Variants in PROM1 observed in about 807,000 individuals in gnomAD.
PROM1 encodes the protein prominin 1.
In PROM1, 105 loss-of-function variants were observed where a neutral mutation model predicts 116.9. The ratio of observed to expected loss-of-function variants is 0.90; its 90% CI spans 0.77 to 1.06. The LOEUF (loss-of-function observed/expected upper bound fraction) is 1.06. Among genes scored for constraint, PROM1 ranks in the 50% least tolerant of loss-of-function variants. The pLI, the probability that PROM1 is intolerant of heterozygous loss-of-function variation, is 0.00. For missense variants in PROM1, 1,122 were observed against 1,045.2 expected (o/e 1.07, Z -1.01); for synonymous variants, 393 against 387.0 (o/e 1.02, Z -0.18).
intron 27 of PROM1, among the ~76,000 whole-genome samples, chr4:15,969,797 G>A (rs547588484): frequency 6.6e-6 from 1 of 151,766 alleles, no homozygotes; most frequent in African/African-American, 2.4e-5. Flanking sequence ...GGCTGGTCTC[G>A]AACTCCTAAC....
intron 26 of PROM1, among the ~76,000 whole-genome samples, chr4:15,973,711 A>G (rs1321103734): frequency 6.6e-6 from 1 of 152,086 alleles, no homozygotes; most frequent in East Asian, 1.9e-4. Flanking sequence ...GACTGGGAAA[A>G]ATAATCAAAT....
chr4:16,009,556 C>T (rs180757900), intron 11 of PROM1, among the ~76,000 whole-genome samples: 13 of 152,190 alleles, frequency 8.5e-5, no homozygotes, highest in South Asian at 6.3e-4. Context: ...GCTCTGGTAA[C>T]GGGATTGAAA....
intron 1 of PROM1, among the ~76,000 whole-genome samples, chr4:16,080,159 T>C (rs1744764639): frequency 6.6e-6 from 1 of 151,212 alleles, no homozygotes; most frequent in South Asian, 2.1e-4. Flanking sequence ...ACCACTGCAC[T>C]CCAGCCTGGG....
At chr4:16,040,827 C>T (rs934603670) in intron 2 of PROM1, among the ~76,000 whole-genome samples, 5 of 152,222 alleles carry the variant, frequency 3.3e-5, no homozygotes, top group Admixed American at 1.3e-4. Context: ...AGAACAGTAT[C>T]CATGGTAAGT....
intron 16 of PROM1, 137 bp from the exon 17 acceptor site, chr4:15,992,528 G>T (rs1721326174): frequency 4.5e-6 from 4 of 887,660 alleles, no homozygotes; most frequent in Non-Finnish European, 6.6e-6. Flanking sequence ...TGAGGTGGGA[G>T]GATCGCTTGA....
intron 2 of PROM1, among the ~76,000 whole-genome samples, chr4:16,050,853 C>T (rs1164976473): frequency 1.3e-5 from 2 of 152,234 alleles, no homozygotes; most frequent in Non-Finnish European, 2.9e-5. Context: ...CATGGTCAGA[C>T]TATATTCCCA....
intron 12 of PROM1, 89 bp downstream of exon 12, chr4:16,008,858 CAT>C: frequency 7.8e-7 from 1 of 1,279,208 alleles, no homozygotes; most frequent in Non-Finnish European, 1.1e-6. Flanking sequence ...AATTTGCTCT[CAT>C]AAGATTATCC....
chr4:16,020,350 G>A (rs967461840), intron 8 of PROM1, among the ~76,000 whole-genome samples: 4 of 152,056 alleles, frequency 2.6e-5, no homozygotes, highest in Non-Finnish European at 5.9e-5. Context: ...TAGGACTATC[G>A]AAGAGCACCC....
chr4:15,970,902 C>G lies in PROM1; in HGVS notation c.*24+141G>C, dbSNP rs534509362. On this transcript the variant is annotated intron_variant, in intron 27 of 27. Transcript: ENST00000447510. ...CTGCAGGTACAGAGGGTGGACTGGA[C>G]ATATAAAATATCTTGTCTAATATGC... 44 of 628,646 alleles carry G rather than the reference C, an allele frequency of 7.0e-5. No individual in the cohort carries two copies. The Middle Eastern group carries it at 1.7e-3, about 25-fold the overall frequency. The allele number at this position is 628,646 out of a possible 1,614,324, so 38.9% of individuals were successfully genotyped here.
chr4:16,016,019 AT>A (rs1728291312), intron 10 of PROM1, 146 bp downstream of exon 10: 6 of 680,250 alleles, frequency 8.8e-6, no homozygotes, highest in South Asian at 3.9e-5. Flanking sequence ...GATGAACACA[AT>A]TGCCTGGAAG....
chr4:16,055,680 T>G (rs999982374), intron 2 of PROM1, among the ~76,000 whole-genome samples: 1 of 152,258 alleles, frequency 6.6e-6, no homozygotes, highest in East Asian at 1.9e-4. Context: ...AGGAAACAGA[T>G]GTGAAAACGG....
intron 11 of PROM1, among the ~76,000 whole-genome samples, chr4:16,011,599 A>G (rs565876493): frequency 6.6e-6 from 1 of 152,226 alleles, no homozygotes; most frequent in Non-Finnish European, 1.5e-5. Flanking sequence ...GGCTGCATGT[A>G]TGGGCAGGAG....
chr4:16,061,162 C>A (rs534279991), intron 2 of PROM1, among the ~76,000 whole-genome samples: 54 of 151,698 alleles, frequency 3.6e-4, no homozygotes, highest in Admixed American at 1.4e-3. Flanking sequence ...ATAGCCATCA[C>A]AAAATCCAGG....
chr4:16,018,655 G>T, intron 8 of PROM1, 115 bp from the exon 9 acceptor site: 1 of 864,218 alleles, frequency 1.2e-6, no homozygotes, highest in Non-Finnish European at 1.8e-6. Context: ...GCAGTGAGAG[G>T]GACACACTGC....
At position 15,998,475 on chromosome 4, in the gene PROM1, G is replaced by A; in HGVS notation, c.1592C>T (p.Pro531Leu). Residue 531 changes from proline (P) to leucine (L), a missense_variant, in exon 15 of 28, where the codon CCC (proline) becomes CTC (leucine). Physicochemically the swap from Pro to Leu is moderately conservative, Grantham distance 98. Coordinates refer to ENST00000447510, the MANE Select transcript of PROM1 (RefSeq NM_006017.3). ...SKELFRVLDT[P>L]YLLNEDWEYY... is the part of the protein sequence containing the mutation. ...TTCCCAGTCTTCATTTAGTAAGTAG[G>A]GTGTATCCAAAACCTAGAACACATT... The A allele has an allele frequency of 1.2e-6, 2 of 1,607,314 alleles. No individual in the cohort carries two copies. Among genetic ancestry groups the A allele is most frequent in the Non-Finnish European group, 8.5e-7 (1 of 1,177,870 alleles).
chr4:16,006,792 T>C, intron 12 of PROM1, 102 bp from the exon 13 acceptor site: 1 of 1,215,268 alleles, frequency 8.2e-7, no homozygotes, highest in African/African-American at 1.5e-5. Flanking sequence ...ATTCTTGGCT[T>C]CTAAAATCAG....
chr4:15,979,831 T>G, intron 25 of PROM1, 50 bp downstream of exon 25: 1 of 1,402,560 alleles, frequency 7.1e-7, no homozygotes, highest in Non-Finnish European at 9.8e-7. Flanking sequence ...CATAATAATA[T>G]CAACCTCCCC....
intron 2 of PROM1, among the ~76,000 whole-genome samples, chr4:16,046,050 G>A (rs1252549687): frequency 6.6e-6 from 1 of 152,212 alleles, no homozygotes; most frequent in African/African-American, 2.4e-5. Context: ...GTGTTATCCT[G>A]GGAATAGTGC....
At chr4:16,041,767 TAA>T (rs376045796) in intron 2 of PROM1, among the ~76,000 whole-genome samples, 45,055 of 113,962 alleles carry the variant, frequency 0.4, 8,806 homozygotes, top group Middle Eastern at 0.49. Flanking sequence ...AATAAATAAA[TAA>T]ATAAATAAAT....
Sources: allele counts gnomAD v4.1 joint callset (sites outside exome capture counted in the v4.1 genomes callset), GRCh38; gene constraint gnomAD v4.1.1; transcripts MANE v1.5; gene names NCBI Gene and HGNC (gene_info 2026-07-23, HGNC 2026-07-21).